GLDN: variants seen among roughly 807,000 people sequenced by gnomAD.
The protein encoded by GLDN is collomin.
GLDN carries 47 observed loss-of-function variants against 56.5 expected under a neutral mutation model. The ratio of observed to expected loss-of-function variants is 0.83; its 90% CI spans 0.66 to 1.06. The LOEUF (loss-of-function observed/expected upper bound fraction) is 1.06, where lower values mean the gene tolerates loss of function less well. Among genes scored for constraint, GLDN ranks in the 50% least tolerant of loss-of-function variants. GLDN has a pLI of 0.00. For missense variants in GLDN, 782 were observed against 714.3 expected, an observed-to-expected ratio of 1.09 and a Z score of -1.08; for synonymous variants, 332 against 278.8, an observed-to-expected ratio of 1.19 and a Z score of -1.90.
At chr15:51,362,865 T>C (rs1056094412) in intron 1 of GLDN, among the ~76,000 whole-genome samples, 1 of 152,152 alleles carries the variant, frequency 6.6e-6, no homozygotes, top group African/African-American at 2.4e-5. Context: ...AAGATATGTC[T>C]GATAGTTGAG....
At chr15:51,352,573 A>T (rs2037095692) in intron 1 of GLDN, among the ~76,000 whole-genome samples, 1 of 152,120 alleles carries the variant, frequency 6.6e-6, no homozygotes, top group South Asian at 2.1e-4. Flanking sequence ...TTGGGATAGT[A>T]TTTGGCCTCT....
intron 1 of GLDN, chr15:51,360,590 C>T (rs933630915): frequency 2.6e-5 from 4 of 152,326 alleles, no homozygotes; most frequent in African/African-American, 9.6e-5. Context: ...GACACTGGCA[C>T]GGCCTTCTCA....
At chr15:51,382,719 C>T (rs1294678110) in intron 2 of GLDN, among the ~76,000 whole-genome samples, 4 of 144,338 alleles carry the variant, frequency 2.8e-5, no homozygotes, top group African/African-American at 1.1e-4. Flanking sequence ...GAGCAAGACT[C>T]TGTCTCCAAA....
chr15:51,370,971 G>A (rs749482737), intron 1 of GLDN, among the ~76,000 whole-genome samples: 3 of 151,888 alleles, frequency 2.0e-5, no homozygotes, highest in African/African-American at 7.3e-5. Context: ...TTCCAGCATG[G>A]GCAACAGAGT....
In GLDN at chr15:51,406,169, C is replaced by G. The variant is rs975945714; in HGVS notation, c.*1415C>G. 1.3e-4 allele frequency: 20 copies of G among 152,234 alleles called. No homozygotes were observed. Among genetic ancestry groups the G allele is most frequent in the African/African-American group, 4.6e-4 (19 of 41,462 alleles). 9.4% of individuals were successfully genotyped at this position (152,234 alleles called of 1,614,324 possible). The stretch of plus-strand genomic sequence containing the variant: ...GGCTGGTTAGGGGACAGTTCTTTCT[C>G]TAACATAGTTTTAAAGGATGTGATC... On this transcript the variant is annotated 3_prime_UTR_variant, in exon 10 of 10. Transcript: ENST00000335449.
At position 51,401,724 on chromosome 15, in the gene GLDN, G is replaced by C; in HGVS notation, c.1159G>C (p.Gly387Arg). The C allele has an allele frequency of 6.2e-7, 1 of 1,613,996 alleles. No individual in the cohort carries two copies. The highest frequency in any genetic ancestry group is 2.2e-5 in the East Asian group (1 of 44,880). ...YNNSLYYHKG[G>R]SNTLVRFEFG... Reference sequence around the variant, plus strand: ...CAACTCTCTCTACTACCACAAAGGGGGTTCTAATACCCTAGTGAGGTAAGT... The same window carrying C: ...CAACTCTCTCTACTACCACAAAGGGCGTTCTAATACCCTAGTGAGGTAAGT... Residue 387 changes from glycine to arginine, a missense_variant, in exon 9 of 10, where the codon GGT becomes CGT. Gly to Arg is a moderately radical substitution (Grantham distance 125, BLOSUM62 -2). Transcript: ENST00000335449.
Position 51,397,513 on chromosome 15 carries a change from A to G in GLDN, c.732A>G (p.Pro244=). The G allele has an allele frequency of 6.3e-7, 1 of 1,588,158 alleles. No homozygotes were observed. The highest frequency in any genetic ancestry group is 8.6e-7 in the Non-Finnish European group (1 of 1,166,072). The change falls in exon 6 of 10, where the codon CCA becomes CCG. Residue 244 remains proline, a synonymous_variant. Transcript: ENST00000335449. Reference sequence around the variant, plus strand: ...GCCCACCCGGTCCACCTGGGCCCCCAGGCCCTCCAGGTCCTCCAGGGCCCC... The same window carrying G: ...GCCCACCCGGTCCACCTGGGCCCCCGGGCCCTCCAGGTCCTCCAGGGCCCC... ...DQGPPGPPGP[P]GPPGPPGPPG...
intron 1 of GLDN, among the ~76,000 whole-genome samples, chr15:51,347,484 T>C (rs1420388543): frequency 6.6e-6 from 1 of 152,194 alleles, no homozygotes. Context: ...CCAAGACAAT[T>C]CTTCTTCTTC....
intron 1 of GLDN, among the ~76,000 whole-genome samples, chr15:51,350,735 A>G (rs556110934): frequency 6.6e-6 from 1 of 152,328 alleles, no homozygotes; most frequent in East Asian, 1.9e-4. Flanking sequence ...TTGCATACAC[A>G]CAAATAAAGC....
chr15:51,388,796 C>A (rs999313715), intron 4 of GLDN, among the ~76,000 whole-genome samples: 6 of 152,080 alleles, frequency 3.9e-5, no homozygotes, highest in African/African-American at 1.4e-4. Context: ...TTGGAGGTGC[C>A]GAAGAGCAAG....
chr15:51,369,100 G>T (rs1306198440), intron 1 of GLDN: 2 of 152,206 alleles, frequency 1.3e-5, no homozygotes, highest in Non-Finnish European at 2.9e-5. Flanking sequence ...AGTCCAGGGT[G>T]TCTGACCTCA....
intron 6 of GLDN, among the ~76,000 whole-genome samples, 175 bp downstream of exon 6, chr15:51,397,773 G>A (rs2038167117): frequency 6.6e-6 from 1 of 152,076 alleles, no homozygotes; most frequent in African/African-American, 2.4e-5. Flanking sequence ...CTGCCCCAGG[G>A]CTGAGGACCA....
At chr15:51,400,540 G>A in intron 8 of GLDN, 42 bp downstream of exon 8, 1 of 1,591,894 alleles carries the variant, frequency 6.3e-7, no homozygotes, top group Non-Finnish European at 8.6e-7. Context: ...TGTGGTAACT[G>A]TATTTTTCAT....
In GLDN at chr15:51,397,450, TTCTCTC is replaced by T; in HGVS notation, c.689-9_689-4del. 2 of 1,147,276 alleles carry T rather than the reference TTCTCTC, an allele frequency of 1.7e-6. No individual in the cohort carries two copies. The highest frequency in any genetic ancestry group is 2.3e-6 in the Non-Finnish European group (2 of 866,292). The allele number at this position is 1,147,276 out of a possible 1,614,324, so 71.1% of individuals were successfully genotyped here. ...CTACCTCTTGCCTCCTTCTCTCCCT[TTCTCTC>T]TCTCTCTCTCCAGGTGCCAAAGGTG... On this transcript the variant is annotated splice_polypyrimidine_tract_variant and intron_variant, in intron 5 of 9. Coordinates refer to ENST00000335449, the MANE Select transcript of GLDN (RefSeq NM_181789.4).
rs758703567 is a variant in GLDN, at chr15:51,404,531, C to T, written c.1433C>T (p.Ala478Val). The T allele has an allele frequency of 5.6e-6, 9 of 1,614,124 alleles. No homozygotes were observed. Among genetic ancestry groups the T allele is most frequent in the Admixed American group, 5.0e-5 (3 of 60,016 alleles). ...PKSKAGNAFI[A>V]RGILYVTDTK... The stretch of plus-strand genomic sequence containing the variant: ...TCCAAGGCTGGCAACGCCTTCATTG[C>T]CCGAGGAATCCTCTATGTCACAGAC... The change falls in exon 10 of 10, where the codon GCC (alanine) becomes GTC (valine). Residue 478 changes from alanine to valine, a missense_variant. Transcript: ENST00000335449.
At chr15:51,413,336 A>G in the GLDN span, among the ~76,000 whole-genome samples, 2 of 152,176 alleles carry the variant, frequency 1.3e-5, no homozygotes, top group East Asian at 3.8e-4. Flanking sequence ...TATCTACACA[A>G]AAAACACCTT....
Position 51,377,498 on chromosome 15 carries a change from C to T in GLDN, c.413C>T (p.Thr138Ile), listed in dbSNP as rs1566943495. 3.7e-6 allele frequency: 6 copies of T among 1,613,792 alleles called. No homozygotes were observed. Among genetic ancestry groups the T allele is most frequent in the South Asian group, 1.1e-5 (1 of 91,060 alleles). Reference protein sequence around the residue: ...LCNSTKGICLTGPSGPPGPPG... With the variant: ...LCNSTKGICLIGPSGPPGPPG... ...AACAGCACCAAGGGCATCTGCCTCA[C>T]AGGTAGGCTGGCCGCTGAGCAGAGC... Residue 138 changes from threonine to isoleucine, a missense_variant and splice_region_variant, in exon 2 of 10, where the codon ACA becomes ATA. Thr to Ile is a moderately conservative substitution (Grantham distance 89). Transcript: ENST00000335449.
At chr15:51,367,540 C>A (rs1390174931) in intron 1 of GLDN, 1 of 152,218 alleles carries the variant, frequency 6.6e-6, no homozygotes, top group Admixed American at 6.5e-5. Context: ...CGGGAAGGAG[C>A]ACTGCTAGAG....
At chr15:51,404,079 C>G (rs952506032) in intron 9 of GLDN, among the ~76,000 whole-genome samples, 198 bp from the exon 10 acceptor site, 2 of 152,182 alleles carry the variant, frequency 1.3e-5, no homozygotes, top group Non-Finnish European at 2.9e-5. Context: ...CACAGCCAGT[C>G]ATTGTCTCTT....
Sources: gnomAD v4.1 joint callset for allele counts (sites outside exome capture counted in the v4.1 genomes callset) on GRCh38, gnomAD v4.1.1 for gene constraint, MANE v1.5 for transcripts, NCBI Gene and HGNC (gene_info 2026-07-23, HGNC 2026-07-21) for gene names.